The following SHPRH variants were observed in gnomAD, a reference collection of about 807,000 sequenced individuals.
SHPRH encodes E3 ubiquitin-protein ligase SHPRH.
SHPRH carries 106 observed loss-of-function variants against 202.5 expected under a neutral mutation model. That is an observed-to-expected ratio of 0.52 (90% confidence interval 0.45 to 0.62). The LOEUF (loss-of-function observed/expected upper bound fraction) is 0.62. SHPRH is among the 20% of genes least tolerant of loss of function. The pLI, the probability that SHPRH is intolerant of heterozygous loss-of-function variation, is 0.00. For missense variants in SHPRH, 1,710 were observed against 2,020.0 expected (o/e 0.85, Z 2.94); for synonymous variants, 729 against 686.0 (o/e 1.06, Z -0.98).
intron 2 of SHPRH, among the ~76,000 whole-genome samples, chr6:145,875,590 G>C (rs1278725788): frequency 1.3e-5 from 2 of 152,198 alleles, no homozygotes; most frequent in Non-Finnish European, 2.9e-5. Context: ...GTCATTATGT[G>C]AGTTGGAAGA....
intron 3 of SHPRH, 147 bp downstream of exon 3, chr6:145,952,202 T>A (rs949520822): frequency 1.4e-6 from 1 of 691,640 alleles, no homozygotes; most frequent in Non-Finnish European, 2.3e-6. Flanking sequence ...AGTGGGTGCA[T>A]TTCAAATAAG....
intron 14 of SHPRH, among the ~76,000 whole-genome samples, chr6:145,930,140 T>C (rs1329708857): frequency 1.3e-5 from 2 of 152,140 alleles, no homozygotes; most frequent in Non-Finnish European, 2.9e-5. Context: ...CTTATAACTC[T>C]ACCCAAGTAT....
rs1436901923 is a variant in SHPRH, at chr6:145,920,850, C to G, written c.4008+317G>C. 3.9e-5 allele frequency among the ~76,000 whole-genome samples: 6 copies of G among 152,032 alleles called. No individual in the cohort carries two copies. The East Asian group carries it at 1.2e-3, about 29-fold the overall frequency. On this transcript the variant is annotated intron_variant, in intron 21 of 29. Transcript: ENST00000275233. ...TGTTATTCACAGAACAAAAACAAAACTCTAATTTCATATAATAGCAGTGGA... is the reference window on the plus strand; with the variant it reads ...TGTTATTCACAGAACAAAAACAAAAGTCTAATTTCATATAATAGCAGTGGA...
intron 25 of SHPRH, chr6:145,908,631 C>T (rs1783192105): frequency 6.6e-6 from 1 of 151,980 alleles, no homozygotes; most frequent in Non-Finnish European, 1.5e-5. Flanking sequence ...AATATGTTCA[C>T]ATTCCTTGTA....
At chr6:145,872,928 C>T (rs1780120442) in intron 2 of SHPRH, among the ~76,000 whole-genome samples, 3 of 152,186 alleles carry the variant, frequency 2.0e-5, no homozygotes, top group Admixed American at 1.3e-4. Flanking sequence ...CAAACTTACA[C>T]AGGAACAGAA....
intron 1 of SHPRH, among the ~76,000 whole-genome samples, chr6:145,959,325 A>G (rs894103145): frequency 2.0e-5 from 3 of 152,090 alleles, no homozygotes; most frequent in East Asian, 1.9e-4. Context: ...CTTTTATACC[A>G]TATCTTTATT....
chr6:145,866,392 C>G (rs770689931), intron 2 of SHPRH, among the ~76,000 whole-genome samples: 1 of 152,176 alleles, frequency 6.6e-6, no homozygotes, highest in Non-Finnish European at 1.5e-5. Context: ...TCTTATCCTC[C>G]TTTCTACATT....
intron 25 of SHPRH, among the ~76,000 whole-genome samples, chr6:145,898,500 C>G (rs947918931): frequency 6.6e-6 from 1 of 152,090 alleles, no homozygotes; most frequent in African/African-American, 2.4e-5. Flanking sequence ...AATACTCATG[C>G]TGAAATTTGA....
intron 1 of SHPRH, among the ~76,000 whole-genome samples, chr6:145,957,794 C>G (rs1457394238): frequency 6.6e-6 from 1 of 152,154 alleles, no homozygotes; most frequent in Non-Finnish European, 1.5e-5. Flanking sequence ...TTGAATATAA[C>G]TTACTATGCA....
rs891992549 is a variant in SHPRH, at chr6:145,948,877, T to C, written c.983-527A>G. 3.3e-5 allele frequency among the ~76,000 whole-genome samples: 5 copies of C among 152,010 alleles called. No homozygotes were observed. In the South Asian group the frequency reaches 1.0e-3, roughly 31 times the overall value. ...AACTCAGAAGTGCTGAGTTTGTTTC[T>C]ACCAGAATCTTCCACTAGCCTTCTC... On this transcript the variant is annotated intron_variant, in intron 4 of 29. Coordinates refer to ENST00000275233, the MANE Select transcript of SHPRH (RefSeq NM_001042683.3).
chr6:145,927,349 T>C lies in SHPRH; in HGVS notation c.3113-72A>G, dbSNP rs948971309. 4 of 1,292,804 alleles carry C rather than the reference T, an allele frequency of 3.1e-6. No individual in the cohort carries two copies. The African/African-American group carries it at 5.9e-5, about 19-fold the overall frequency. 80.1% of individuals were successfully genotyped at this position (1,292,804 alleles called of 1,614,324 possible). ...GTTCCCAATGTCATCTAGTTGTCCATTATTTAAGAATACTGTAAAAATAAA... is the reference window on the plus strand; with the variant it reads ...GTTCCCAATGTCATCTAGTTGTCCACTATTTAAGAATACTGTAAAAATAAA... On this transcript the variant is annotated intron_variant, in intron 14 of 29. Transcript: ENST00000275233.
In SHPRH at chr6:145,922,773, G is replaced by C. The variant is rs1426410649; in HGVS notation, c.3609C>G (p.Cys1203Trp). ...TTACAGCCTCTCTTACTAGCTTCTG[G>C]CATTTATTTAGCTCTTCCATTTGTG... ...LTTQMEELNK[C>W]QKLVREAVKN... is the part of the protein sequence containing the mutation. The change falls in exon 19 of 30, where the codon TGC becomes TGG. Residue 1203 changes from cysteine (C) to tryptophan (W), a missense_variant. Around this residue, in one of 8 missense-constraint regions of SHPRH, gnomAD observed 288 missense variants for 317.8 expected, o/e 0.91. Transcript: ENST00000275233. 1.2e-6 allele frequency: 2 copies of C among 1,611,928 alleles called. No homozygotes were observed. Among genetic ancestry groups the C allele is most frequent in the Admixed American group, 3.3e-5 (2 of 59,776 alleles).
At chr6:145,945,330 A>G in intron 8 of SHPRH, 51 bp downstream of exon 8, 5 of 1,541,946 alleles carry the variant, frequency 3.2e-6, no homozygotes, top group Non-Finnish European at 4.3e-6. Flanking sequence ...TGTACTCAGT[A>G]AGGTATCACA....
the SHPRH span, among the ~76,000 whole-genome samples, chr6:145,858,867 A>C: frequency 6.6e-6 from 1 of 152,032 alleles, no homozygotes; most frequent in Non-Finnish European, 1.5e-5. Flanking sequence ...TACTTTCAAC[A>C]GGCATAGAGA....
chr6:145,930,947 T>C (rs1030707918), intron 14 of SHPRH, among the ~76,000 whole-genome samples: 2 of 152,214 alleles, frequency 1.3e-5, no homozygotes, highest in Non-Finnish European at 2.9e-5. Flanking sequence ...TAACACCCTT[T>C]ATCCTTGGTA....
At chr6:145,867,480 G>A (rs1231579221) in intron 2 of SHPRH, among the ~76,000 whole-genome samples, 1 of 151,336 alleles carries the variant, frequency 6.6e-6, no homozygotes, top group Admixed American at 6.6e-5. Flanking sequence ...CACTACAAGA[G>A]AGAGGCAAAA....
intron 16 of SHPRH, among the ~76,000 whole-genome samples, chr6:145,925,892 T>C (rs1376688127): frequency 6.6e-6 from 1 of 151,994 alleles, no homozygotes; most frequent in Non-Finnish European, 1.5e-5. Flanking sequence ...ACCTCTTTTG[T>C]AGATCTGCCA....
At chr6:145,922,927 T>G in intron 18 of SHPRH, 91 bp from the exon 19 acceptor site, 2 of 1,394,290 alleles carry the variant, frequency 1.4e-6, no homozygotes, top group Non-Finnish European at 1.9e-6. Flanking sequence ...AAACAAAGTG[T>G]TAAAGAAACT....
chr6:145,940,889 C>T, intron 10 of SHPRH, 88 bp from the exon 11 acceptor site: 1 of 1,291,416 alleles, frequency 7.7e-7, no homozygotes, highest in Non-Finnish European at 1.1e-6. Flanking sequence ...AAAAACAGCC[C>T]ATTAAAAGCT....
Sources: gnomAD v4.1 joint callset for allele counts (sites outside exome capture counted in the v4.1 genomes callset) on GRCh38, gnomAD v4.1.1 for gene constraint, gnomAD v4.1.1 regional missense constraint, MANE v1.5 for transcripts, NCBI Gene and HGNC (gene_info 2026-07-23, HGNC 2026-07-21) for gene names.